Variants in TENM3 observed in about 807,000 individuals in gnomAD.
The protein encoded by TENM3 is teneurin transmembrane protein 3.
Under a neutral mutation model 255.1 loss-of-function variants are expected in TENM3, and 63 were observed. That is an observed-to-expected ratio of 0.25 (90% CI 0.20 to 0.30). The LOEUF (loss-of-function observed/expected upper bound fraction) is 0.30, where lower values mean the gene tolerates loss of function less well. Ranked by LOEUF, TENM3 falls within the 10% of genes least tolerant of loss-of-function variation. The probability of loss-of-function intolerance (pLI) is 1.00; values close to 1 mark genes in which losing one functional copy is unlikely to be tolerated. For missense variants in TENM3, 2,929 were observed against 3,461.1 expected, an observed-to-expected ratio of 0.85 and a Z score of 3.86; for synonymous variants, 1,306 against 1,322.3, an observed-to-expected ratio of 0.99 and a Z score of 0.27.
chr4:181,780,619 G>A, the TENM3 span, among the ~76,000 whole-genome samples: 1 of 152,132 alleles, frequency 6.6e-6, no homozygotes, highest in African/African-American at 2.4e-5. Flanking sequence ...TTCTTTTGCT[G>A]TGCAGAAGTT....
intron 22 of TENM3, among the ~76,000 whole-genome samples, chr4:182,763,704 T>C (rs1286187138): frequency 6.6e-6 from 1 of 152,212 alleles, no homozygotes; most frequent in Non-Finnish European, 1.5e-5. Context: ...ACAGGAACCT[T>C]ATATCTGGAG....
intron 3 of TENM3, among the ~76,000 whole-genome samples, chr4:182,513,973 T>C (rs1039781839): frequency 1.3e-5 from 2 of 152,216 alleles, no homozygotes; most frequent in African/African-American, 4.8e-5. Flanking sequence ...GTTTTGCCCA[T>C]TTCTTCCCAA....
rs140923767 is a variant in TENM3, at chr4:182,260,343, T to C, written c.-76+16867T>C. Among the ~76,000 whole-genome samples the C allele has an allele frequency of 5.1e-3, 783 of 152,338 alleles. 14 individuals are homozygous for C. The highest frequency in any genetic ancestry group is 0.017 in the African/African-American group (724 of 41,572). ...GTTTTCCATAGTGGCTATACTAATT[T>C]GTATTCCCACCAACAGTGTATGAAG... On this transcript the variant is annotated intron_variant, in intron 1 of 27. Transcript: ENST00000511685.
the TENM3 span, among the ~76,000 whole-genome samples, chr4:181,779,115 A>C: frequency 1.3e-5 from 2 of 152,048 alleles, no homozygotes; most frequent in African/African-American, 4.8e-5. Flanking sequence ...GTGATGGGCC[A>C]TCTGGGGAGA....
the TENM3 span, among the ~76,000 whole-genome samples, chr4:181,538,422 G>A: frequency 2.6e-5 from 4 of 151,922 alleles, no homozygotes; most frequent in Admixed American, 6.6e-5. Flanking sequence ...AAAAGCAAAT[G>A]CAATGAATAC....
intron 3 of TENM3, among the ~76,000 whole-genome samples, chr4:182,413,649 A>G (rs1369538769): frequency 2.6e-5 from 4 of 151,896 alleles, no homozygotes; most frequent in Admixed American, 2.0e-4. Context: ...CAAAAGAACA[A>G]CTCCCAAACC....
At chr4:182,273,289 T>A (rs2726785) in intron 1 of TENM3, among the ~76,000 whole-genome samples, 152,228 of 152,344 alleles carry the variant, frequency 1, 76,060 homozygotes, top group Middle Eastern at 1. Context: ...TTTCACTACT[T>A]ATACATGCTA....
At chr4:182,130,659 G>A in the TENM3 span, among the ~76,000 whole-genome samples, 1 of 150,412 alleles carries the variant, frequency 6.6e-6, no homozygotes, top group African/African-American at 2.4e-5. Flanking sequence ...AAGAAGAAAA[G>A]AACCATTTAT....
At chr4:181,728,121 A>G in the TENM3 span, among the ~76,000 whole-genome samples, 2 of 152,216 alleles carry the variant, frequency 1.3e-5, no homozygotes, top group Non-Finnish European at 2.9e-5. Flanking sequence ...ATCAAAAAAC[A>G]GTTGAAAAGA....
intron 1 of TENM3, among the ~76,000 whole-genome samples, chr4:182,247,962 G>T (rs1254204468): frequency 2.6e-5 from 4 of 152,140 alleles, no homozygotes; most frequent in Non-Finnish European, 1.5e-5. Flanking sequence ...TAGTGCCATT[G>T]CTGTTTGTCA....
chr4:182,517,433 G>T (rs1158354640), intron 3 of TENM3, among the ~76,000 whole-genome samples: 1 of 125,424 alleles, frequency 8.0e-6, no homozygotes, highest in Non-Finnish European at 1.7e-5. Flanking sequence ...GCCCAGGCTG[G>T]AGTGCAGTGG....
the TENM3 span, among the ~76,000 whole-genome samples, chr4:181,996,159 T>TAAAA: frequency 0.2 from 27,516 of 138,576 alleles, 2,738 homozygotes; most frequent in Admixed American, 0.24. Flanking sequence ...TCGCTACGGT[T>TAAAA]AAAAAAAAAA....
chr4:182,255,048 A>G (rs1758294593), intron 1 of TENM3, among the ~76,000 whole-genome samples: 1 of 152,196 alleles, frequency 6.6e-6, no homozygotes, highest in South Asian at 2.1e-4. Flanking sequence ...CTTTCGGAAA[A>G]TATCTTAAAT....
the TENM3 span, among the ~76,000 whole-genome samples, chr4:181,511,796 C>G: frequency 6.6e-6 from 1 of 152,192 alleles, no homozygotes; most frequent in Non-Finnish European, 1.5e-5. Flanking sequence ...CTGTGGACCA[C>G]CAGCGGGTCA....
chr4:181,638,251 C>T, the TENM3 span, among the ~76,000 whole-genome samples: 4 of 152,098 alleles, frequency 2.6e-5, no homozygotes, highest in African/African-American at 9.7e-5. Flanking sequence ...AAATGTTGGC[C>T]AAATAAGTAA....
the TENM3 span, among the ~76,000 whole-genome samples, chr4:181,533,354 C>T: frequency 1.3e-5 from 2 of 152,176 alleles, no homozygotes; most frequent in Non-Finnish European, 2.9e-5. Context: ...AAAGAGTTCA[C>T]TCATTCATGC....
chr4:182,230,812 C>CTATATATATATATA (rs55642239), intron 1 of TENM3, among the ~76,000 whole-genome samples: 20 of 58,058 alleles, frequency 3.4e-4, no homozygotes, highest in East Asian at 7.0e-4. Context: ...GTTTCTCAAA[C>CTATATATATATATA]TATATATATA....
the TENM3 span, among the ~76,000 whole-genome samples, chr4:181,872,892 T>C: frequency 6.6e-5 from 10 of 152,208 alleles, no homozygotes; most frequent in African/African-American, 2.4e-4. Context: ...AAACACATAG[T>C]ATCAACATTT....
the TENM3 span, among the ~76,000 whole-genome samples, chr4:181,765,641 T>C: frequency 6.6e-6 from 1 of 152,196 alleles, no homozygotes; most frequent in African/African-American, 2.4e-5. Flanking sequence ...CATAATATAC[T>C]GCTAAGCTTC....
Sources: allele counts gnomAD v4.1 joint callset (sites outside exome capture counted in the v4.1 genomes callset), GRCh38; gene constraint gnomAD v4.1.1; transcripts MANE v1.5; gene names NCBI Gene and HGNC (gene_info 2026-07-23, HGNC 2026-07-21).